The following SHTN1 variants were observed in gnomAD, a reference collection of about 807,000 sequenced individuals.
The protein encoded by SHTN1 is shootin 1, also known as shootin-1.
SHTN1 carries 42 observed loss-of-function variants against 83.1 expected under a neutral mutation model. The observed-to-expected ratio is 0.51, with a 90% confidence interval of 0.39 to 0.65. The LOEUF (loss-of-function observed/expected upper bound fraction) is 0.65, where lower values mean the gene tolerates loss of function less well. Among genes scored for constraint, SHTN1 ranks in the 30% least tolerant of loss-of-function variants. The pLI is 0.00. For synonymous variants in SHTN1, 224 were observed against 247.7 expected (o/e 0.90, Z 0.90); for missense variants, 622 against 737.8 (o/e 0.84, Z 1.82).
At chr10:117,064,588 G>A (rs1314657364) in intron 1 of SHTN1, among the ~76,000 whole-genome samples, 1 of 151,454 alleles carries the variant, frequency 6.6e-6, no homozygotes, top group African/African-American at 2.4e-5. Flanking sequence ...CCGTGAGGCA[G>A]AGGTTGTAGT....
intron 1 of SHTN1, among the ~76,000 whole-genome samples, chr10:117,003,911 G>T (rs1851910925): frequency 6.7e-6 from 1 of 150,128 alleles, no homozygotes; most frequent in East Asian, 1.9e-4. Context: ...ATTTTTTTTT[G>T]GAGATGGAGT....
At chr10:117,008,502 A>G (rs1413509745), upstream of SHTN1, among the ~76,000 whole-genome samples, 1 of 152,196 alleles carries the variant, frequency 6.6e-6, no homozygotes. Context: ...CAATATTGGA[A>G]TATTATTTGG....
chr10:116,890,471 T>C (rs886376519), intron 16 of SHTN1, among the ~76,000 whole-genome samples: 3 of 152,208 alleles, frequency 2.0e-5, no homozygotes, highest in Non-Finnish European at 4.4e-5. Flanking sequence ...AGTGGAATCC[T>C]GATTTCCTGT....
chr10:116,983,729 TATACACACACTCAC>T (rs1287756206), intron 1 of SHTN1, among the ~76,000 whole-genome samples: 6 of 151,116 alleles, frequency 4.0e-5, no homozygotes, highest in Non-Finnish European at 8.9e-5. Context: ...CATACATGCA[TATACACACACTCAC>T]ATACACACAC....
intron 2 of SHTN1, among the ~76,000 whole-genome samples, chr10:116,977,123 C>T (rs1165226127): frequency 6.6e-6 from 1 of 152,190 alleles, no homozygotes; most frequent in Non-Finnish European, 1.5e-5. Flanking sequence ...ACTATCATCT[C>T]CACCAATAAC....
At chr10:117,086,014 G>A (rs1048450444) in intron 1 of SHTN1, among the ~76,000 whole-genome samples, 2 of 142,492 alleles carry the variant, frequency 1.4e-5, no homozygotes, top group Admixed American at 7.7e-5. Flanking sequence ...TCCACCTCCC[G>A]GGTTCAAGCG....
intron 1 of SHTN1, among the ~76,000 whole-genome samples, chr10:117,124,814 A>G (rs921790441): frequency 6.6e-6 from 1 of 152,250 alleles, no homozygotes; most frequent in African/African-American, 2.4e-5. Flanking sequence ...CTATTTACAG[A>G]TGAGGATTCT....
chr10:116,952,699 TAC>T (rs1849818506), intron 5 of SHTN1, among the ~76,000 whole-genome samples: 1 of 152,228 alleles, frequency 6.6e-6, no homozygotes, highest in Non-Finnish European at 1.5e-5. Context: ...TGTTTGAAAA[TAC>T]ACATAGATTA....
chr10:117,075,999 A>T (rs1292220274), intron 1 of SHTN1, among the ~76,000 whole-genome samples: 1 of 152,102 alleles, frequency 6.6e-6, no homozygotes, highest in Non-Finnish European at 1.5e-5. Context: ...CCTGGGCAAC[A>T]TAGTGGAACC....
chr10:117,043,467 G>T (rs1852615304), intron 2 of SHTN1, among the ~76,000 whole-genome samples: 1 of 152,170 alleles, frequency 6.6e-6, no homozygotes, highest in Non-Finnish European at 1.5e-5. Context: ...TCACAAAACT[G>T]CATACTTAAA....
intron 9 of SHTN1, among the ~76,000 whole-genome samples, chr10:116,935,458 G>A (rs2133387389): frequency 1.3e-5 from 2 of 152,250 alleles, no homozygotes. Flanking sequence ...TTTATGTGAT[G>A]GATTACATTT....
intron 3 of SHTN1, among the ~76,000 whole-genome samples, chr10:116,967,763 G>GT (rs1311058442): frequency 6.6e-6 from 1 of 152,284 alleles, no homozygotes; most frequent in Non-Finnish European, 1.5e-5. Context: ...CTGTAAAGAT[G>GT]TAAGTGTCAG....
chr10:117,006,565 CAA>C (rs35193104), upstream of SHTN1, among the ~76,000 whole-genome samples: 1,002 of 92,588 alleles, frequency 0.011, 5 homozygotes, highest in African/African-American at 0.031. Flanking sequence ...GACTCCGTCT[CAA>C]AAAAAAAAAA....
intron 1 of SHTN1, among the ~76,000 whole-genome samples, chr10:117,091,255 C>G (rs1853426447): frequency 6.6e-6 from 1 of 152,312 alleles, no homozygotes; most frequent in East Asian, 1.9e-4. Flanking sequence ...GTTCCAAATA[C>G]TTTACATGGA....
At chr10:117,044,304 G>A (rs902458513) in intron 2 of SHTN1, among the ~76,000 whole-genome samples, 1 of 151,830 alleles carries the variant, frequency 6.6e-6, no homozygotes, top group African/African-American at 2.4e-5. Context: ...ATATCTTGGA[G>A]ATCTTTCCAT....
intron 16 of SHTN1, among the ~76,000 whole-genome samples, chr10:116,890,890 G>A (rs924714569): frequency 1.3e-5 from 2 of 152,246 alleles, no homozygotes; most frequent in African/African-American, 2.4e-5. Context: ...AGATGAAAAT[G>A]CAGCATTCTA....
chr10:116,969,302 G>A (rs1850513879), intron 2 of SHTN1, among the ~76,000 whole-genome samples: 3 of 152,058 alleles, frequency 2.0e-5, no homozygotes, highest in South Asian at 2.1e-4. Context: ...TTAGCCAGGC[G>A]TGGTGGTGCG....
chr10:116,885,909 T>A lies in SHTN1; in HGVS notation c.*435A>T, dbSNP rs2133293363. ...TGCTGCAGTTTCTCCATCAAGAGGA[T>A]CAGACCCAAAACAGAAGCTTCTTTG... On this transcript the variant is annotated 3_prime_UTR_variant, in exon 17 of 17. Coordinates refer to ENST00000355371, the MANE Select transcript of SHTN1 (RefSeq NM_001127211.3). The A allele has an allele frequency of 6.0e-6, 1 of 166,356 alleles. No individual in the cohort carries two copies. The highest frequency in any genetic ancestry group is 1.3e-5 in the Non-Finnish European group (1 of 76,756). The allele number at this position is 166,356 out of a possible 1,614,324, so 10.3% of individuals were successfully genotyped here. A position where few individuals can be genotyped will look rare whatever the true frequency, so the allele number is the denominator to read the frequency against.
chr10:116,989,037 T>TGCA (rs1398458040), intron 1 of SHTN1, among the ~76,000 whole-genome samples: 1 of 152,184 alleles, frequency 6.6e-6, no homozygotes, highest in Non-Finnish European at 1.5e-5. Flanking sequence ...GAATGTGTCC[T>TGCA]GTACCCCAAA....
Sources: allele counts gnomAD v4.1 joint callset (sites outside exome capture counted in the v4.1 genomes callset), GRCh38; gene constraint gnomAD v4.1.1; transcripts MANE v1.5; gene names NCBI Gene and HGNC (gene_info 2026-07-23, HGNC 2026-07-21).